ACYP2: variants seen among roughly 807,000 people sequenced by gnomAD.
The protein encoded by ACYP2 is acylphosphatase 2.
ACYP2 carries 12 observed loss-of-function variants against 11.2 expected under a neutral mutation model. The ratio of observed to expected loss-of-function variants is 1.08; its 90% CI spans 0.69 to 1.74. The LOEUF (loss-of-function observed/expected upper bound fraction) is 1.74, where lower values mean the gene tolerates loss of function less well. Ranked by LOEUF, ACYP2 falls within the 40% of genes most tolerant of loss-of-function variation. The pLI is 0.00. For missense variants in ACYP2, 134 were observed against 101.9 expected, an observed-to-expected ratio of 1.31 and a Z score of -1.35; for synonymous variants, 43 against 32.2, an observed-to-expected ratio of 1.33 and a Z score of -1.13.
chr2:54,182,331 T>G (rs144938062), intron 6 of ACYP2, among the ~76,000 whole-genome samples: 117 of 152,034 alleles, frequency 7.7e-4, no homozygotes, highest in African/African-American at 2.3e-3. Flanking sequence ...GTGCTGGGAT[T>G]ACAGGGAAGA....
intron 6 of ACYP2, among the ~76,000 whole-genome samples, chr2:54,152,193 C>G (rs1020217453): frequency 6.1e-5 from 9 of 146,628 alleles, no homozygotes; most frequent in African/African-American, 2.0e-4. Flanking sequence ...TCATAGCTCA[C>G]TATAACCTTG....
At chr2:54,175,912 C>A (rs754480932) in intron 6 of ACYP2, among the ~76,000 whole-genome samples, 2 of 152,082 alleles carry the variant, frequency 1.3e-5, no homozygotes, top group Non-Finnish European at 2.9e-5. Context: ...ATGATCAGAT[C>A]ATAAGGGCAG....
intron 4 of ACYP2, among the ~76,000 whole-genome samples, chr2:54,082,314 C>T (rs1250502479): frequency 1.3e-5 from 2 of 150,346 alleles, no homozygotes; most frequent in Non-Finnish European, 3.0e-5. Flanking sequence ...GGTGTGGTCT[C>T]GGCTCACTGC....
chr2:54,076,148 TA>T (rs1456908023), intron 4 of ACYP2, among the ~76,000 whole-genome samples: 18 of 152,342 alleles, frequency 1.2e-4, no homozygotes, highest in Admixed American at 1.2e-3. Flanking sequence ...TGTAAAATAT[TA>T]AATCTGGTGG....
chr2:54,169,062 C>T (rs767594650), intron 6 of ACYP2, among the ~76,000 whole-genome samples: 1 of 152,142 alleles, frequency 6.6e-6, no homozygotes, highest in Non-Finnish European at 1.5e-5. Context: ...ATTTTTCTAC[C>T]TAAATAATTT....
chr2:54,060,712 A>G (rs13382454), intron 4 of ACYP2, among the ~76,000 whole-genome samples: 7,152 of 152,308 alleles, frequency 0.047, 592 homozygotes, highest in African/African-American at 0.16. Flanking sequence ...AAGGCATGAA[A>G]TGCTGCTTTT....
At chr2:54,207,448 G>C (rs1685123690) in intron 6 of ACYP2, among the ~76,000 whole-genome samples, 5 of 152,064 alleles carry the variant, frequency 3.3e-5, no homozygotes, top group African/African-American at 1.2e-4. Context: ...ACATTATGGA[G>C]GGTAATTTGC....
chr2:54,075,329 T>A (rs1677271288), intron 4 of ACYP2, among the ~76,000 whole-genome samples: 1 of 151,982 alleles, frequency 6.6e-6, no homozygotes, highest in East Asian at 1.9e-4. Flanking sequence ...TGAAACCCCG[T>A]TTCTACTAAA....
Position 54,065,602 on chromosome 2 carries a change from C to G in ACYP2, c.277+8242C>G, listed in dbSNP as rs1021332892. ...GTGCTTGATTCAACAGATCCCTGGGCTGGTGTGAGTAAGTGGAAAGCCATT... is the reference window on the plus strand; with the variant it reads ...GTGCTTGATTCAACAGATCCCTGGGGTGGTGTGAGTAAGTGGAAAGCCATT... On this transcript the variant is annotated intron_variant, in intron 4 of 6. Coordinates refer to ENST00000607452, the MANE Select transcript of ACYP2 (RefSeq NM_001320586.2). 5 of 398,062 alleles carry G rather than the reference C, an allele frequency of 1.3e-5. No homozygotes were observed. In the Admixed American group the frequency reaches 1.8e-4, roughly 14 times the overall value. 24.7% of individuals were successfully genotyped at this position (398,062 alleles called of 1,614,324 possible). A position where few individuals can be genotyped will look rare whatever the true frequency, so the allele number is the denominator to read the frequency against.
At chr2:54,289,737 G>A (rs1689221593) in intron 6 of ACYP2, among the ~76,000 whole-genome samples, 1 of 151,730 alleles carries the variant, frequency 6.6e-6, no homozygotes, top group East Asian at 1.9e-4. Flanking sequence ...GCCTCCCTAT[G>A]AACTGAGTCA....
At chr2:54,044,039 A>C (rs1262016402) in intron 2 of ACYP2, among the ~76,000 whole-genome samples, 3 of 152,180 alleles carry the variant, frequency 2.0e-5, no homozygotes, top group Non-Finnish European at 4.4e-5. Context: ...GCATCAAATT[A>C]AGTGGAAAGC....
intron 2 of ACYP2, among the ~76,000 whole-genome samples, chr2:54,043,719 G>A (rs916016549): frequency 3.9e-5 from 6 of 152,054 alleles, no homozygotes; most frequent in Non-Finnish European, 8.8e-5. Flanking sequence ...TACCATGCTG[G>A]TTACTTATAT....
At chr2:54,220,893 C>A (rs1301362431) in intron 6 of ACYP2, among the ~76,000 whole-genome samples, 1 of 152,152 alleles carries the variant, frequency 6.6e-6, no homozygotes, top group East Asian at 1.9e-4. Flanking sequence ...TAATTTATTG[C>A]AGTTTCTCCT....
At chr2:53,992,899 G>A (rs1035326707) in intron 2 of ACYP2, among the ~76,000 whole-genome samples, 4 of 150,648 alleles carry the variant, frequency 2.7e-5, no homozygotes, top group African/African-American at 4.9e-5. Context: ...AAGAGAATAC[G>A]CATCAGAAAA....
rs192836245 is a variant in ACYP2 at position 54,287,304 on chromosome 2, T to G, written c.405-17384T>G. Among the ~76,000 whole-genome samples, 736 of 152,024 alleles carry G rather than the reference T, an allele frequency of 4.8e-3. 19 individuals are homozygous for G. The highest frequency in any genetic ancestry group is 0.017 in the African/African-American group (697 of 41,326). ...ACAGACTTACCCATTCAAGCCCTTT[T>G]TATAAGTGGCTAATCCCATGCATAA... On this transcript the variant is annotated intron_variant, in intron 6 of 6. Transcript: ENST00000607452.
intron 2 of ACYP2, among the ~76,000 whole-genome samples, chr2:54,003,876 G>C (rs1281059821): frequency 1.3e-5 from 2 of 152,204 alleles, no homozygotes; most frequent in African/African-American, 4.8e-5. Context: ...AGTTTCTGTT[G>C]ATCTAGCTCC....
At chr2:54,096,081 T>G (rs1422999860) in intron 4 of ACYP2, among the ~76,000 whole-genome samples, 1 of 117,626 alleles carries the variant, frequency 8.5e-6, no homozygotes. Context: ...CCGGACGGGG[T>G]GGCTGCGGGG....
At chr2:54,205,060 C>T (rs180739423) in intron 6 of ACYP2, among the ~76,000 whole-genome samples, 14 of 143,176 alleles carry the variant, frequency 9.8e-5, no homozygotes, top group African/African-American at 3.2e-4. Context: ...TTGTTTCTTC[C>T]ATTAATTTGG....
chr2:53,984,525 C>T (rs1215738385), intron 2 of ACYP2, among the ~76,000 whole-genome samples: 2 of 151,414 alleles, frequency 1.3e-5, no homozygotes, highest in African/African-American at 4.9e-5. Flanking sequence ...TGCAGCGAGC[C>T]GAGATCGCAC....
Sources: allele counts gnomAD v4.1 joint callset (sites outside exome capture counted in the v4.1 genomes callset), GRCh38; gene constraint gnomAD v4.1.1; transcripts MANE v1.5; gene names NCBI Gene and HGNC (gene_info 2026-07-23, HGNC 2026-07-21).